Variants in TIAM2 observed in about 807,000 individuals in gnomAD.
TIAM2 encodes the protein rho guanine nucleotide exchange factor TIAM2.
A neutral mutation model predicts 152.9 loss-of-function variants in TIAM2; 80 were observed. That is an observed-to-expected ratio of 0.52 (90% CI 0.44 to 0.63). TIAM2 has a LOEUF of 0.63. Among genes scored for constraint, TIAM2 ranks in the 30% least tolerant of loss-of-function variants. TIAM2 has a pLI of 0.00. For missense variants in TIAM2, 1,965 were observed against 2,120.1 expected (o/e 0.93, Z 1.44); for synonymous variants, 804 against 838.0 (o/e 0.96, Z 0.70).
At chr6:155,006,362 C>CT (rs1204412703) in intron 1 of TIAM2, among the ~76,000 whole-genome samples, 21 of 149,224 alleles carry the variant, frequency 1.4e-4, no homozygotes, top group Admixed American at 4.0e-4. Flanking sequence ...GCTCAAGGCA[C>CT]TTTTTTTTTT....
chr6:155,186,321 G>T lies in TIAM2; in HGVS notation c.3064+2821G>T, dbSNP rs779164682. ...TTACCCTGGTGGAAACGGTTCTGAG[G>T]TGCAGTCTACACAGCTCTGCAGATG... On this transcript the variant is annotated intron_variant, in intron 14 of 26. Transcript: ENST00000682666. The surrounding 1 kb of genome is among the most constrained non-coding windows in gnomAD (Gnocchi z 4.5). Among the ~76,000 whole-genome samples, 1 of 152,124 alleles carries T rather than the reference G, an allele frequency of 6.6e-6. No homozygotes were observed. Among genetic ancestry groups the T allele is most frequent in the African/African-American group, 2.4e-5 (1 of 41,430 alleles).
At chr6:155,047,667 G>GA (rs1354203233) in intron 1 of TIAM2, among the ~76,000 whole-genome samples, 6 of 73,400 alleles carry the variant, frequency 8.2e-5, no homozygotes, top group African/African-American at 2.6e-4. Flanking sequence ...GAGAGAGAGA[G>GA]GAGAGAGAGA....
chr6:154,999,761 C>G (rs1778283002), intron 1 of TIAM2, among the ~76,000 whole-genome samples: 2 of 152,022 alleles, frequency 1.3e-5, no homozygotes, highest in Non-Finnish European at 2.9e-5. Context: ...CAACTTCTGC[C>G]TCCCGGGTCC....
At chr6:155,234,757 T>C (rs767398556) in intron 15 of TIAM2, among the ~76,000 whole-genome samples, 5 of 152,202 alleles carry the variant, frequency 3.3e-5, no homozygotes, top group Admixed American at 3.3e-4. Context: ...ATAGGCTCAA[T>C]AGATGTCCCA....
Position 155,127,472 on chromosome 6 carries a change from T to G in TIAM2, c.-117-18T>G, listed in dbSNP as rs925519843. 2.3e-6 allele frequency: 1 copy of G among 433,954 alleles called. No individual in the cohort carries two copies. Among genetic ancestry groups the G allele is most frequent in the Non-Finnish European group, 4.6e-6 (1 of 217,642 alleles). 26.9% of individuals were successfully genotyped at this position (433,954 alleles called of 1,614,324 possible). ...AGTAAAACGCTTCACAGAGTTTTCT[T>G]GCGTTTCTGTTTTTCAGGCTCACTT... On this transcript the variant is annotated intron_variant, in intron 2 of 26. Transcript: ENST00000682666.
chr6:155,099,541 G>C (rs976973800), intron 2 of TIAM2, among the ~76,000 whole-genome samples: 1 of 152,096 alleles, frequency 6.6e-6, no homozygotes, highest in Non-Finnish European at 1.5e-5. Flanking sequence ...TGATGGTGTG[G>C]TATAAGGCTC....
chr6:155,251,008 G>A lies in TIAM2; in HGVS notation c.4047G>A (p.Glu1349=). ...TAGGAAAAGCTAGAAAGGACCTTGA[G>A]CTCACAGTATTTGGTTAGTATTCCA... ...LSLGKARKDL[E]LTVFVFKRAV... Residue 1349 remains glutamate (E), a synonymous_variant, in exon 22 of 27, where the codon GAG becomes GAA. Coordinates refer to ENST00000682666, the MANE Select transcript of TIAM2 (RefSeq NM_012454.4). 1.9e-6 allele frequency: 3 copies of A among 1,614,074 alleles called. No homozygotes were observed. The highest frequency in any genetic ancestry group is 1.7e-5 in the Admixed American group (1 of 60,024).
chr6:155,063,520 A>G (rs755166481), intron 1 of TIAM2, among the ~76,000 whole-genome samples: 3 of 152,176 alleles, frequency 2.0e-5, no homozygotes, highest in Non-Finnish European at 2.9e-5. Context: ...ATGGTGGCTC[A>G]TGTCTGTAAT....
chr6:155,033,905 C>T (rs1407164928), intron 1 of TIAM2, among the ~76,000 whole-genome samples: 3 of 151,936 alleles, frequency 2.0e-5, no homozygotes, highest in Non-Finnish European at 2.9e-5. Flanking sequence ...TTAGTAGAGA[C>T]GGGGTTTCAC....
chr6:155,114,062 T>A (rs946908522), intron 2 of TIAM2, among the ~76,000 whole-genome samples: 2 of 106,206 alleles, frequency 1.9e-5, no homozygotes, highest in Non-Finnish European at 3.8e-5. Flanking sequence ...TTTTTTTTTT[T>A]TTTTTTTTTG....
chr6:155,104,800 A>T (rs1379092163), intron 2 of TIAM2, among the ~76,000 whole-genome samples: 1 of 152,116 alleles, frequency 6.6e-6, no homozygotes, highest in Non-Finnish European at 1.5e-5. Flanking sequence ...AGTGTATAAT[A>T]ACTTCATGTG....
In TIAM2 at chr6:155,213,485, T is replaced by C. The variant is rs73577447; in HGVS notation, c.3168+2178T>C. Among the ~76,000 whole-genome samples the C allele has an allele frequency of 0.045, 6,777 of 152,144 alleles. 539 individuals are homozygous for C. Among genetic ancestry groups the C allele is most frequent in the African/African-American group, 0.15 (6,349 of 41,466 alleles). ...CATTGTCTCTTTGAGTCTGGCTGAG[T>C]CCAGGGCTCAGAGGGGTGGAAATGT... On this transcript the variant is annotated intron_variant, in intron 15 of 26. Transcript: ENST00000682666. This position sits in a 1 kb window ranked among gnomAD's most constrained non-coding sequence, Gnocchi z 4.2.
intron 1 of TIAM2, among the ~76,000 whole-genome samples, chr6:155,008,963 A>G (rs934970183): frequency 1.3e-5 from 2 of 152,138 alleles, no homozygotes; most frequent in Admixed American, 1.3e-4. Context: ...GAGGAAGAGC[A>G]TAATGGAAAG....
At chr6:155,165,170 T>G in intron 8 of TIAM2, 93 bp from the exon 9 acceptor site, 1 of 1,350,842 alleles carries the variant, frequency 7.4e-7, no homozygotes, top group Non-Finnish European at 1.0e-6. Context: ...ATAGTCAGAA[T>G]GCATTTATAG....
At chr6:155,093,652 A>G (rs1290901140) in intron 2 of TIAM2, among the ~76,000 whole-genome samples, 1 of 152,204 alleles carries the variant, frequency 6.6e-6, no homozygotes, top group African/African-American at 2.4e-5. Flanking sequence ...GCCTCTTTGC[A>G]ATAGTGAGCG....
intron 17 of TIAM2, 151 bp downstream of exon 17, chr6:155,244,230 C>A: frequency 1.3e-6 from 1 of 747,448 alleles, no homozygotes; most frequent in South Asian, 1.8e-5. Flanking sequence ...TAGCCTCCTC[C>A]TAAACCACTG....
chr6:155,108,628 C>G (rs1778755569), intron 2 of TIAM2, among the ~76,000 whole-genome samples: 1 of 152,154 alleles, frequency 6.6e-6, no homozygotes, highest in Non-Finnish European at 1.5e-5. Flanking sequence ...CTCATTAGAT[C>G]AGGCCTGCAG....
intron 1 of TIAM2, among the ~76,000 whole-genome samples, chr6:155,044,005 G>T (rs1777105136): frequency 6.6e-6 from 1 of 152,162 alleles, no homozygotes; most frequent in African/African-American, 2.4e-5. Context: ...TCAGATGGTT[G>T]TAATACGATC....
At chr6:155,137,666 C>T in intron 5 of TIAM2, 54 bp downstream of exon 5, 1 of 1,502,684 alleles carries the variant, frequency 6.7e-7, no homozygotes, top group Non-Finnish European at 8.8e-7. Context: ...GCCAGCCGTG[C>T]TCTTTGCCAG....
Sources: gnomAD v4.1 joint callset for allele counts (sites outside exome capture counted in the v4.1 genomes callset) on GRCh38, gnomAD v4.1.1 for gene constraint, Gnocchi (gnomAD v3.1) non-coding constraint, MANE v1.5 for transcripts, NCBI Gene and HGNC (gene_info 2026-07-23, HGNC 2026-07-21) for gene names.